The following PTPRD variants were observed in gnomAD, a reference collection of about 807,000 sequenced individuals.
PTPRD encodes the protein protein tyrosine phosphatase receptor type D.
PTPRD carries 34 observed loss-of-function variants against 214.5 expected under a neutral mutation model. That is an observed-to-expected ratio of 0.16 (90% CI 0.12 to 0.21). PTPRD has a LOEUF of 0.21. Among genes scored for constraint, PTPRD ranks in the 10% least tolerant of loss-of-function variants. PTPRD has a pLI of 1.00. For missense variants in PTPRD, 2,545 were observed against 2,398.7 expected (o/e 1.06, Z -1.27); for synonymous variants, 1,128 against 845.7 (o/e 1.33, Z -5.79).
rs148797942 is a variant in PTPRD at position 10,016,231 on chromosome 9, G to C, written c.-472+17487C>G. On this transcript the variant is annotated intron_variant, in intron 4 of 45. Transcript: ENST00000381196. ...GAAAAATGCTTGTTTTTAAAAATTT[G>C]CTAATGACATTGTTTTCTTTTAAAA... is the stretch of plus-strand genomic sequence containing the variant. 3.1e-3 allele frequency among the ~76,000 whole-genome samples: 467 copies of C among 152,156 alleles called. 1 individual carries two copies. The highest frequency in any genetic ancestry group is 0.011 in the African/African-American group (442 of 41,510).
intron 8 of PTPRD, among the ~76,000 whole-genome samples, chr9:9,564,421 AG>A (rs2083784287): frequency 6.6e-6 from 1 of 152,082 alleles, no homozygotes; most frequent in Non-Finnish European, 1.5e-5. Context: ...TGAGGAATGC[AG>A]GGGGCCTTGT....
intron 31 of PTPRD, 48 bp from the exon 32 acceptor site, chr9:8,465,723 C>A: frequency 6.7e-7 from 1 of 1,486,068 alleles, no homozygotes; most frequent in Non-Finnish European, 9.2e-7. Context: ...AATAATAACC[C>A]AGCTTATTGA....
chr9:9,443,752 G>T (rs145700507), intron 8 of PTPRD, among the ~76,000 whole-genome samples: 15 of 152,264 alleles, frequency 9.9e-5, no homozygotes, highest in African/African-American at 3.4e-4. Context: ...AACTGATCTA[G>T]TTGGCACCCA....
At chr9:10,599,800 A>G (rs904640900) in intron 2 of PTPRD, among the ~76,000 whole-genome samples, 1 of 151,774 alleles carries the variant, frequency 6.6e-6, no homozygotes, top group African/African-American at 2.4e-5. Context: ...GTTTTCATCA[A>G]TAACAGAAGA....
intron 5 of PTPRD, among the ~76,000 whole-genome samples, chr9:9,822,429 CATAATAT>C (rs2051102328): frequency 1.4e-5 from 2 of 146,894 alleles, no homozygotes; most frequent in Non-Finnish European, 3.0e-5. Context: ...ATAATATATA[CATAATAT>C]ATAATATATA....
chr9:10,099,175 ATAAGTGTACTTAT>A (rs1217844247), intron 3 of PTPRD, among the ~76,000 whole-genome samples: 1 of 151,766 alleles, frequency 6.6e-6, no homozygotes. Flanking sequence ...GAAAGTCAGC[ATAAGTGTACTTAT>A]TAAGAGCCTG....
At chr9:9,407,281 T>C (rs1305802833) in intron 8 of PTPRD, among the ~76,000 whole-genome samples, 1 of 151,762 alleles carries the variant, frequency 6.6e-6, no homozygotes, top group Non-Finnish European at 1.5e-5. Flanking sequence ...CTCATTTTCA[T>C]TGCTGTGTAG....
chr9:10,320,755 G>T (rs1170156061), intron 3 of PTPRD, among the ~76,000 whole-genome samples: 1 of 151,830 alleles, frequency 6.6e-6, no homozygotes, highest in Non-Finnish European at 1.5e-5. Flanking sequence ...TTGAGACAGG[G>T]TCTCACTCTG....
chr9:9,190,312 G>A (rs2099934322), intron 9 of PTPRD, among the ~76,000 whole-genome samples: 1 of 151,984 alleles, frequency 6.6e-6, no homozygotes, highest in South Asian at 2.1e-4. Flanking sequence ...ATTCCCACAT[G>A]TCGTGGGAGG....
chr9:10,386,880 T>C (rs1466890013), intron 2 of PTPRD, among the ~76,000 whole-genome samples: 2 of 151,496 alleles, frequency 1.3e-5, no homozygotes, highest in African/African-American at 4.8e-5. Context: ...GACATTAAGA[T>C]AGAAAGATTA....
Position 10,511,970 on chromosome 9 carries a change from G to A in PTPRD, c.-600+100428C>T, listed in dbSNP as rs1161710238. Among the ~76,000 whole-genome samples, 18 of 33,340 alleles carry A rather than the reference G, an allele frequency of 5.4e-4. No homozygotes were observed. The East Asian group carries it at 0.016, about 30-fold the overall frequency. The allele number at this position is 33,340 out of a possible 152,430, so 21.9% of individuals were successfully genotyped here. A position where few individuals can be genotyped will look rare whatever the true frequency, so the allele number is the denominator to read the frequency against. On this transcript the variant is annotated intron_variant, in intron 2 of 45. Coordinates refer to ENST00000381196, the MANE Select transcript of PTPRD (RefSeq NM_002839.4). ...TACGTGTGTGTATATATATATACGT[G>A]TGTGTGTATATATATATACGTGTGT...
chr9:9,038,458 T>C, intron 10 of PTPRD, among the ~76,000 whole-genome samples: 1 of 151,976 alleles, frequency 6.6e-6, no homozygotes, highest in East Asian at 1.9e-4. Context: ...CGAACATGTA[T>C]ACAAACATGT....
intron 5 of PTPRD, among the ~76,000 whole-genome samples, chr9:9,923,048 C>T (rs1297126567): frequency 6.6e-6 from 1 of 151,252 alleles, no homozygotes; most frequent in Non-Finnish European, 1.5e-5. Flanking sequence ...AGAAAACACA[C>T]ATTGAAATAT....
intron 10 of PTPRD, among the ~76,000 whole-genome samples, chr9:9,056,677 A>C (rs1046438148): frequency 1.3e-5 from 2 of 152,170 alleles, no homozygotes; most frequent in African/African-American, 4.8e-5. Context: ...TAGGCTGAAT[A>C]AGGTTGTGCT....
intron 11 of PTPRD, among the ~76,000 whole-genome samples, chr9:8,932,797 C>T (rs1292133411): frequency 6.6e-6 from 1 of 152,158 alleles, no homozygotes; most frequent in Non-Finnish European, 1.5e-5. Flanking sequence ...TGGATCTTAG[C>T]TTGCTGGGCT....
intron 9 of PTPRD, among the ~76,000 whole-genome samples, chr9:9,372,705 C>T (rs2059844178): frequency 6.6e-6 from 1 of 152,076 alleles, no homozygotes; most frequent in Admixed American, 6.6e-5. Flanking sequence ...TTCTTCCTAG[C>T]CTTGATGGTC....
intron 3 of PTPRD, among the ~76,000 whole-genome samples, chr9:10,334,627 G>A (rs185007857): frequency 9.4e-4 from 142 of 151,544 alleles, no homozygotes; most frequent in Admixed American, 9.2e-3. Flanking sequence ...AACCGTCTTT[G>A]CTTGCGGATG....
intron 14 of PTPRD, among the ~76,000 whole-genome samples, chr9:8,547,591 C>T (rs373470223): frequency 1.4e-4 from 21 of 149,090 alleles, no homozygotes; most frequent in African/African-American, 5.2e-4. Context: ...TACAGTGAGC[C>T]GTGTTCACAC....
intron 5 of PTPRD, among the ~76,000 whole-genome samples, chr9:9,837,868 T>G (rs954174779): frequency 9.9e-5 from 15 of 152,182 alleles, no homozygotes; most frequent in Non-Finnish European, 1.9e-4. Flanking sequence ...GCTGCACCCA[T>G]TAACTCGTCA....
Sources: gnomAD v4.1 joint callset for allele counts (sites outside exome capture counted in the v4.1 genomes callset) on GRCh38, gnomAD v4.1.1 for gene constraint, MANE v1.5 for transcripts, NCBI Gene and HGNC (gene_info 2026-07-23, HGNC 2026-07-21) for gene names.